Variants in IGSF11 observed in about 807,000 individuals in gnomAD.
The protein encoded by IGSF11 is immunoglobulin superfamily member 11.
Under a neutral mutation model 41.0 loss-of-function variants are expected in IGSF11, and 22 were observed. That is an observed-to-expected ratio of 0.54 (90% confidence interval 0.38 to 0.77). The LOEUF is 0.77. Ranked by LOEUF, IGSF11 falls within the 30% of genes least tolerant of loss-of-function variation. The pLI is 0.00. For synonymous variants in IGSF11, 219 were observed against 201.3 expected (o/e 1.09, Z -0.74); for missense variants, 444 against 530.8 (o/e 0.84, Z 1.61).
chr3:119,078,422 A>G (rs1244560233), intron 1 of IGSF11, among the ~76,000 whole-genome samples: 3 of 152,212 alleles, frequency 2.0e-5, no homozygotes, highest in Non-Finnish European at 2.9e-5. Context: ...CCACATACCT[A>G]CAACTGTCTA....
chr3:118,971,175 C>T (rs1210821492), intron 1 of IGSF11, among the ~76,000 whole-genome samples: 4 of 152,140 alleles, frequency 2.6e-5, no homozygotes, highest in Middle Eastern at 3.2e-3. Flanking sequence ...AAGCATACAA[C>T]GGGCATTTAT....
intron 1 of IGSF11, among the ~76,000 whole-genome samples, chr3:118,959,915 G>A (rs1477610017): frequency 6.6e-6 from 1 of 152,026 alleles, no homozygotes; most frequent in African/African-American, 2.4e-5. Context: ...CGTGGTGGCG[G>A]GCGCCTGTAG....
intron 4 of IGSF11, among the ~76,000 whole-genome samples, chr3:118,906,780 T>C (rs575313300): frequency 2.6e-4 from 40 of 152,334 alleles, no homozygotes; most frequent in Admixed American, 1.2e-3. Flanking sequence ...TTAATAGTTA[T>C]TAGTATGTTC....
intron 1 of IGSF11, chr3:118,948,500 G>A (rs1391636400): frequency 6.6e-6 from 1 of 152,174 alleles, no homozygotes; most frequent in African/African-American, 2.4e-5. Context: ...AGTTAAGTGG[G>A]GAAAAGGTCT....
At chr3:118,986,552 G>C in intron 1 of IGSF11, among the ~76,000 whole-genome samples, 1 of 152,150 alleles carries the variant, frequency 6.6e-6, no homozygotes, top group East Asian at 1.9e-4. Flanking sequence ...TTTTACTAAA[G>C]TGTTCTCCAG....
intron 1 of IGSF11, among the ~76,000 whole-genome samples, chr3:119,000,063 C>CTTTTTTTTT (rs1297321950): frequency 1.0e-4 from 10 of 98,730 alleles, no homozygotes; most frequent in Non-Finnish European, 1.6e-4. Flanking sequence ...ATTCATTATT[C>CTTTTTTTTT]TTTTTTTTTT....
chr3:118,910,891 G>A (rs749083282), intron 4 of IGSF11, among the ~76,000 whole-genome samples: 1 of 152,066 alleles, frequency 6.6e-6, no homozygotes, highest in Non-Finnish European at 1.5e-5. Flanking sequence ...TCCCTACAAA[G>A]TTCTTCCTGG....
chr3:118,902,505 A>G lies in IGSF11; in HGVS notation c.*15T>C. 6.3e-7 allele frequency: 1 copy of G among 1,588,182 alleles called. No individual in the cohort carries two copies. ...TTCCATTTATTCATTTCTGAACACA[A>G]CATTTCCTCATGTCCTATACCAAGG... On this transcript the variant is annotated 3_prime_UTR_variant, in exon 7 of 7. Coordinates refer to ENST00000393775, the MANE Select transcript of IGSF11 (RefSeq NM_001015887.3).
At chr3:118,976,558 A>G (rs571148771) in intron 1 of IGSF11, among the ~76,000 whole-genome samples, 1 of 152,350 alleles carries the variant, frequency 6.6e-6, no homozygotes, top group South Asian at 2.1e-4. Flanking sequence ...ATGCTGCTAC[A>G]GCGAGTACAG....
intron 1 of IGSF11, among the ~76,000 whole-genome samples, chr3:118,974,421 G>T (rs1473640704): frequency 6.6e-6 from 1 of 152,144 alleles, no homozygotes; most frequent in Non-Finnish European, 1.5e-5. Flanking sequence ...TAATGTGTTG[G>T]CAATTGCAAT....
chr3:119,058,281 AAAAC>A (rs561978510), intron 1 of IGSF11, among the ~76,000 whole-genome samples: 1 of 152,200 alleles, frequency 6.6e-6, no homozygotes, highest in Non-Finnish European at 1.5e-5. Context: ...TTACAAGAAA[AAAAC>A]AAACAACCCC....
chr3:118,932,978 A>G (rs1942975739), intron 1 of IGSF11, among the ~76,000 whole-genome samples: 1 of 152,254 alleles, frequency 6.6e-6, no homozygotes. Context: ...AGCAACCGCA[A>G]CAGGGTGAGC....
intron 1 of IGSF11, among the ~76,000 whole-genome samples, chr3:118,982,463 A>G (rs1934832226): frequency 6.6e-6 from 1 of 152,166 alleles, no homozygotes; most frequent in South Asian, 2.1e-4. Context: ...ATTAATGACC[A>G]CTCCAGAATA....
At chr3:119,142,049 A>G (rs1267035089) in intron 1 of IGSF11, among the ~76,000 whole-genome samples, 2 of 151,894 alleles carry the variant, frequency 1.3e-5, no homozygotes, top group Non-Finnish European at 2.9e-5. Flanking sequence ...GCCGAGGAGG[A>G]CGGATCACGA....
chr3:119,037,231 A>G (rs1026488508), upstream of IGSF11, among the ~76,000 whole-genome samples: 8 of 152,342 alleles, frequency 5.3e-5, no homozygotes, highest in African/African-American at 1.7e-4. Context: ...AGTACTAAAG[A>G]CAGAGACAAT....
At chr3:119,001,174 C>T (rs1229759511) in intron 1 of IGSF11, among the ~76,000 whole-genome samples, 3 of 150,810 alleles carry the variant, frequency 2.0e-5, no homozygotes, top group African/African-American at 7.3e-5. Context: ...TCATTTAAGC[C>T]TACCCTTGTC....
At chr3:119,100,247 T>C (rs1371080603) in intron 1 of IGSF11, among the ~76,000 whole-genome samples, 1 of 152,136 alleles carries the variant, frequency 6.6e-6, no homozygotes, top group African/African-American at 2.4e-5. Flanking sequence ...GCCACTGATA[T>C]CATCCAGAGA....
intron 1 of IGSF11, among the ~76,000 whole-genome samples, chr3:119,076,453 C>G (rs556909412): frequency 6.6e-6 from 1 of 152,270 alleles, no homozygotes; most frequent in Non-Finnish European, 1.5e-5. Context: ...GCAAAAGAAA[C>G]TACCATCAGA....
chr3:118,905,869 G>T, intron 4 of IGSF11, 151 bp from the exon 5 acceptor site: 1 of 787,040 alleles, frequency 1.3e-6, no homozygotes, highest in Non-Finnish European at 2.0e-6. Context: ...ATTGGTTCAT[G>T]AATGTTAAAG....
Sources: allele counts gnomAD v4.1 joint callset (sites outside exome capture counted in the v4.1 genomes callset), GRCh38; gene constraint gnomAD v4.1.1; transcripts MANE v1.5; gene names NCBI Gene and HGNC (gene_info 2026-07-23, HGNC 2026-07-21).